MAST4: variants seen among roughly 807,000 people sequenced by gnomAD.
The protein encoded by MAST4 is microtubule associated serine/threonine kinase family member 4.
In MAST4, 89 loss-of-function variants were observed where a neutral mutation model predicts 162.7. The ratio of observed to expected loss-of-function variants is 0.55; its 90% CI spans 0.46 to 0.65. MAST4 has a LOEUF of 0.65. MAST4 is among the 30% of genes least tolerant of loss of function. The probability of loss-of-function intolerance (pLI) is 0.00; values close to 1 mark genes in which losing one functional copy is unlikely to be tolerated. For synonymous variants in MAST4, 1,479 were observed against 1,361.1 expected (o/e 1.09, Z -1.91); for missense variants, 3,153 against 3,374.0 (o/e 0.93, Z 1.62).
chr5:66,823,897 C>T (rs1332671604), intron 3 of MAST4, among the ~76,000 whole-genome samples: 1 of 152,166 alleles, frequency 6.6e-6, no homozygotes, highest in Non-Finnish European at 1.5e-5. Flanking sequence ...CTGTGTTGCT[C>T]TTTGGCATTC....
chr5:66,758,037 C>G (rs1415214537), intron 1 of MAST4, among the ~76,000 whole-genome samples: 2 of 151,406 alleles, frequency 1.3e-5, no homozygotes, highest in African/African-American at 4.8e-5. Flanking sequence ...ATAAGTTCAG[C>G]TCTGCATTTG....
At chr5:67,133,193 G>A (rs1404379963) in intron 16 of MAST4, among the ~76,000 whole-genome samples, 1 of 149,318 alleles carries the variant, frequency 6.7e-6, no homozygotes, top group Non-Finnish European at 1.5e-5. Context: ...TTTTCTTATT[G>A]TGAAAATGGA....
chr5:67,149,212 C>T (rs1771474955), intron 23 of MAST4, among the ~76,000 whole-genome samples, 177 bp from the exon 24 acceptor site: 1 of 152,118 alleles, frequency 6.6e-6, no homozygotes, highest in Non-Finnish European at 1.5e-5. Context: ...TCCTCCACGT[C>T]ACCTTTCTCA....
intron 4 of MAST4, among the ~76,000 whole-genome samples, chr5:66,955,334 G>A (rs1745180587): frequency 6.6e-6 from 1 of 152,086 alleles, no homozygotes. Context: ...AGAGTTCTAG[G>A]CAGTGGGAAC....
At chr5:66,814,168 G>A (rs1361034262) in intron 3 of MAST4, among the ~76,000 whole-genome samples, 1 of 152,168 alleles carries the variant, frequency 6.6e-6, no homozygotes, top group East Asian at 1.9e-4. Context: ...TTTCAGTTTT[G>A]TGATGTTACC....
At chr5:67,019,223 C>T (rs995957020) in intron 4 of MAST4, among the ~76,000 whole-genome samples, 5 of 152,310 alleles carry the variant, frequency 3.3e-5, no homozygotes, top group South Asian at 2.1e-4. Flanking sequence ...GTCCAGAGGC[C>T]GCTGTGCTAA....
At chr5:67,099,579 A>G (rs929234862) in intron 7 of MAST4, among the ~76,000 whole-genome samples, 2 of 152,152 alleles carry the variant, frequency 1.3e-5, no homozygotes, top group East Asian at 1.9e-4. Flanking sequence ...CCATGTTTCC[A>G]TTTACTAAAA....
intron 4 of MAST4, among the ~76,000 whole-genome samples, chr5:66,990,950 T>G (rs1169941366): frequency 6.6e-6 from 1 of 152,086 alleles, no homozygotes; most frequent in African/African-American, 2.4e-5. Flanking sequence ...ATTAAAAAAA[T>G]AGGTTCAGAA....
chr5:67,120,058 A>G (rs1767387603), intron 13 of MAST4, among the ~76,000 whole-genome samples: 1 of 152,230 alleles, frequency 6.6e-6, no homozygotes, highest in Non-Finnish European at 1.5e-5. Flanking sequence ...GAGCATTGGC[A>G]GGTGATGACT....
intron 14 of MAST4, among the ~76,000 whole-genome samples, chr5:67,123,985 C>T (rs927595416): frequency 7.9e-5 from 12 of 152,144 alleles, no homozygotes; most frequent in Admixed American, 2.6e-4. Context: ...TTTGCTAGCA[C>T]GGAGTCACGT....
At chr5:66,694,953 T>A (rs889097163) in intron 1 of MAST4, among the ~76,000 whole-genome samples, 1 of 152,234 alleles carries the variant, frequency 6.6e-6, no homozygotes, top group Non-Finnish European at 1.5e-5. Context: ...AAAAATTTTC[T>A]CCCATTCTGT....
chr5:66,605,108 T>C (rs1256930375), intron 1 of MAST4, among the ~76,000 whole-genome samples: 1 of 152,222 alleles, frequency 6.6e-6, no homozygotes, highest in Non-Finnish European at 1.5e-5. Context: ...ATCTACCTCC[T>C]ACATAAGACA....
At chr5:66,979,336 A>C (rs977202426) in intron 4 of MAST4, among the ~76,000 whole-genome samples, 1 of 152,094 alleles carries the variant, frequency 6.6e-6, no homozygotes, top group Non-Finnish European at 1.5e-5. Context: ...TGCTCGGCAA[A>C]ATCCACCTTG....
intron 4 of MAST4, among the ~76,000 whole-genome samples, chr5:67,024,947 TA>T (rs1754461348): frequency 1.3e-5 from 2 of 152,148 alleles, no homozygotes; most frequent in Non-Finnish European, 2.9e-5. Flanking sequence ...CACGAATATG[TA>T]CAATTATTAT....
intron 1 of MAST4, among the ~76,000 whole-genome samples, chr5:66,683,074 C>G (rs1748431278): frequency 1.3e-5 from 2 of 152,198 alleles, no homozygotes; most frequent in Admixed American, 6.5e-5. Flanking sequence ...CCATCAGGAA[C>G]AAGACCCTGT....
At position 66,617,630 on chromosome 5, in the gene MAST4, G is replaced by T. The variant is rs531747250; in HGVS notation, c.363+20612G>T. Among the ~76,000 whole-genome samples the T allele has an allele frequency of 3.9e-5, 6 of 152,246 alleles. No homozygotes were observed. In the South Asian group the frequency reaches 1.2e-3, roughly 32 times the overall value. On this transcript the variant is annotated intron_variant, in intron 1 of 28. Coordinates refer to ENST00000403625, the MANE Select transcript of MAST4 (RefSeq NM_001164664.2). Reference sequence around the variant, plus strand: ...TGTGAGTGAAAATGAAACAGTAGTGGTTTTAAGCCTCTAAACTTTGGGACA... The same window carrying T: ...TGTGAGTGAAAATGAAACAGTAGTGTTTTTAAGCCTCTAAACTTTGGGACA...
chr5:67,159,089 A>G (rs116674058), intron 26 of MAST4, among the ~76,000 whole-genome samples: 81 of 152,342 alleles, frequency 5.3e-4, no homozygotes, highest in African/African-American at 1.9e-3. Context: ...CATAATTTTG[A>G]TTCACCCATC....
At chr5:67,006,020 G>A (rs1298072939) in intron 4 of MAST4, among the ~76,000 whole-genome samples, 1 of 152,190 alleles carries the variant, frequency 6.6e-6, no homozygotes, top group Non-Finnish European at 1.5e-5. Context: ...AAAATGGTTC[G>A]TTCTTTTTGG....
intron 23 of MAST4, among the ~76,000 whole-genome samples, chr5:67,147,562 T>C (rs186623430): frequency 4.4e-4 from 67 of 152,350 alleles, no homozygotes; most frequent in African/African-American, 1.5e-3. Context: ...AAAATAAACG[T>C]CTTGAAGTCT....
Sources: gnomAD v4.1 joint callset for allele counts (sites outside exome capture counted in the v4.1 genomes callset) on GRCh38, gnomAD v4.1.1 for gene constraint, MANE v1.5 for transcripts, NCBI Gene and HGNC (gene_info 2026-07-23, HGNC 2026-07-21) for gene names.